CHD4: variants seen among roughly 807,000 people sequenced by gnomAD.
CHD4 encodes ATP-dependent chromatin remodeler CHD4.
CHD4 carries 35 observed loss-of-function variants against 235.5 expected under a neutral mutation model. The ratio of observed to expected loss-of-function variants is 0.15; its 90% CI spans 0.11 to 0.20. CHD4 has a LOEUF of 0.20. Ranked by LOEUF, CHD4 falls within the 10% of genes least tolerant of loss-of-function variation. The pLI is 1.00. For synonymous variants in CHD4, 900 were observed against 850.2 expected, an observed-to-expected ratio of 1.06 and a Z score of -1.02; for missense variants, 1,329 against 2,432.3, an observed-to-expected ratio of 0.55 and a Z score of 9.54.
At chr12:6,576,487 G>C (rs192853647) in intron 37 of CHD4, among the ~76,000 whole-genome samples, 13 of 152,286 alleles carry the variant, frequency 8.5e-5, no homozygotes, top group Admixed American at 2.0e-4. Context: ...GCTAATTTTT[G>C]TATTTTTTGT....
intron 13 of CHD4, among the ~76,000 whole-genome samples, 179 bp downstream of exon 13, chr12:6,595,827 G>A (rs1013398539): frequency 6.6e-5 from 10 of 150,512 alleles, no homozygotes; most frequent in South Asian, 4.2e-4. Flanking sequence ...GTGTGGTGGC[G>A]TATGCAAATA....
chr12:6,578,218 C>T, intron 35 of CHD4, 81 bp from the exon 36 acceptor site: 2 of 1,374,272 alleles, frequency 1.5e-6, no homozygotes, highest in South Asian at 1.2e-5. Context: ...ATTCTTGTCC[C>T]CCACCATCCC....
At chr12:6,606,176 G>A in intron 2 of CHD4, 98 bp downstream of exon 2, 1 of 803,904 alleles carries the variant, frequency 1.2e-6, no homozygotes, top group Non-Finnish European at 2.0e-6. Flanking sequence ...GCTCTGCACA[G>A]AGACAGCGGA....
chr12:6,582,007 T>G (rs1295327296), intron 30 of CHD4, 130 bp downstream of exon 30: 2 of 1,185,132 alleles, frequency 1.7e-6, no homozygotes, highest in East Asian at 2.6e-5. Context: ...TTCGCCATGT[T>G]GACCAGGCTA....
At chr12:6,574,258 C>G (rs1948030442) in intron 37 of CHD4, among the ~76,000 whole-genome samples, 1 of 152,062 alleles carries the variant, frequency 6.6e-6, no homozygotes, top group Admixed American at 6.6e-5. Context: ...TTAAAAGGTA[C>G]TCTTATGTTG....
At position 6,593,240 on chromosome 12, in the gene CHD4, G is replaced by C. The variant is rs1948431584; in HGVS notation, c.2515-12C>G. 3 of 1,613,928 alleles carry C rather than the reference G, an allele frequency of 1.9e-6. No homozygotes were observed. The highest frequency in any genetic ancestry group is 2.7e-5 in the African/African-American group (2 of 75,058). On this transcript the variant is annotated splice_polypyrimidine_tract_variant and intron_variant, in intron 16 of 39. Transcript: ENST00000544040. This position sits in a 1 kb window ranked among gnomAD's most constrained non-coding sequence, Gnocchi z 4.9. ...ACAGATGCCTCTTTCTGCACATGAA[G>C]GCAACTTGGTCACTACTAGTCAGTT...
At chr12:6,591,847 A>G (rs756038091) in intron 20 of CHD4, 22 bp from the exon 21 acceptor site, 19 of 1,613,632 alleles carry the variant, frequency 1.2e-5, no homozygotes, top group Admixed American at 3.3e-5. Context: ...TGCAAAGAAA[A>G]AAGTATTAAA....
intron 30 of CHD4, 24 bp downstream of exon 30, chr12:6,582,113 A>G (rs926075373): frequency 6.5e-7 from 1 of 1,528,232 alleles, no homozygotes; most frequent in African/African-American, 1.4e-5. Context: ...CCCTAGAAAC[A>G]ATGGCAAGAG....
chr12:6,602,056 C>T lies in CHD4; in HGVS notation c.342G>A (p.Lys114=). ...DSEGSDYTPG[K]KKKKKLGPKK... ...TAGGTCCAAGCTTCTTCTTCTTCTT[C>T]TTGCCAGGAGTATAGTCGCTGCCCT... is the stretch of plus-strand genomic sequence containing the variant. Residue 114 remains lysine (K), a synonymous_variant, in exon 4 of 40, where the codon AAG becomes AAA. Coordinates refer to ENST00000544040, the MANE Select transcript of CHD4 (RefSeq NM_001273.5). 6.2e-7 allele frequency: 1 copy of T among 1,613,388 alleles called. No homozygotes were observed. Among genetic ancestry groups the T allele is most frequent in the Non-Finnish European group, 8.5e-7 (1 of 1,179,892 alleles).
chr12:6,578,473 A>T lies in CHD4; in HGVS notation c.5055T>A (p.Asp1685Glu). 1 of 1,613,950 alleles carries T rather than the reference A, an allele frequency of 6.2e-7. No individual in the cohort carries two copies. The highest frequency in any genetic ancestry group is 8.5e-7 in the Non-Finnish European group (1 of 1,180,006). ...GTTTAATATTTTTCTTCTGTTTCTCATCATTCAGGTCCTTGGGGGTCTCTC... is the reference window on the plus strand; with the variant it reads ...GTTTAATATTTTTCTTCTGTTTCTCTTCATTCAGGTCCTTGGGGGTCTCTC... ...QNGETPKDLN[D>E]EKQKKNIKQR... Residue 1685 changes from aspartate to glutamate, a missense_variant, in exon 35 of 40, where the codon GAT (aspartate) becomes GAA (glutamate). Asp to Glu is a conservative substitution (Grantham distance 45). Coordinates refer to ENST00000544040, the MANE Select transcript of CHD4 (RefSeq NM_001273.5).
intron 37 of CHD4, among the ~76,000 whole-genome samples, chr12:6,574,671 C>T (rs1031746488): frequency 2.6e-5 from 4 of 152,084 alleles, no homozygotes; most frequent in Admixed American, 1.3e-4. Flanking sequence ...TGATGGGGGT[C>T]GGTAGTGGGA....
intron 37 of CHD4, among the ~76,000 whole-genome samples, chr12:6,574,991 A>G (rs1377594380): frequency 6.6e-6 from 1 of 152,246 alleles, no homozygotes; most frequent in Non-Finnish European, 1.5e-5. Context: ...CTTCATGAGA[A>G]TTATACAAAA....
chr12:6,577,700 TG>T, intron 37 of CHD4, 84 bp downstream of exon 37: 2 of 1,558,770 alleles, frequency 1.3e-6, no homozygotes, highest in Non-Finnish European at 1.8e-6. Context: ...AACAGTGCGC[TG>T]GATGGACAGA....
In CHD4 at chr12:6,600,525, G is replaced by C. The variant is rs777560102; in HGVS notation, c.1063+9C>G. 4 of 1,610,150 alleles carry C rather than the reference G, an allele frequency of 2.5e-6. No homozygotes were observed. Among genetic ancestry groups the C allele is most frequent in the African/African-American group, 2.7e-5 (2 of 73,558 alleles). On this transcript the variant is annotated intron_variant, in intron 8 of 39. Transcript: ENST00000544040. Reference sequence around the variant, plus strand: ...CATCCCATCACAAATATACAGAAGAGAAACACACCTTTCTTTTTCTTTTTA... The same window carrying C: ...CATCCCATCACAAATATACAGAAGACAAACACACCTTTCTTTTTCTTTTTA...
In CHD4 at chr12:6,570,227, A is replaced by C. The variant is rs1003003276; in HGVS notation, c.*449T>G. Reference sequence around the variant, plus strand: ...AGAGCCGCTGGGTTCCTGGTATTAAAAAGATGCCAACAGAGGTAGCTGTGT... The same window carrying C: ...AGAGCCGCTGGGTTCCTGGTATTAACAAGATGCCAACAGAGGTAGCTGTGT... On this transcript the variant is annotated 3_prime_UTR_variant, in exon 40 of 40. Transcript: ENST00000544040. 6.0e-6 allele frequency: 1 copy of C among 166,044 alleles called. No individual in the cohort carries two copies. Among genetic ancestry groups the C allele is most frequent in the Non-Finnish European group, 1.3e-5 (1 of 77,554 alleles). 10.3% of individuals were successfully genotyped at this position (166,044 alleles called of 1,614,324 possible). A position where few individuals can be genotyped will look rare whatever the true frequency, so the allele number is the denominator to read the frequency against.
chr12:6,602,502 A>T lies in CHD4; in HGVS notation c.101-5T>A, dbSNP rs201854884. ...CTTCTGGGTCCTCTTCATTTTCTAC[A>T]TATATTTGGCAAAGAGTGGTAGGCA... On this transcript the variant is annotated splice_region_variant and splice_polypyrimidine_tract_variant and intron_variant, in intron 2 of 39. Coordinates refer to ENST00000544040, the MANE Select transcript of CHD4 (RefSeq NM_001273.5). 5.2e-4 allele frequency: 845 copies of T among 1,610,994 alleles called. 2 individuals are homozygous for T. Among genetic ancestry groups the T allele is most frequent in the Admixed American group, 1.5e-3 (87 of 59,154 alleles).
At position 6,583,073 on chromosome 12, in the gene CHD4, T is replaced by A; in HGVS notation, c.4101A>T (p.Ser1367=). The change falls in exon 27 of 40, where the codon TCA becomes TCT. Residue 1367 remains serine, a synonymous_variant. Coordinates refer to ENST00000544040, the MANE Select transcript of CHD4 (RefSeq NM_001273.5). The part of the protein sequence containing the change: ...DDQSDNQSDY[S]VASEEGDEDF... Reference sequence around the variant, plus strand: ...CTTCATCACCTTCCTCTGAAGCCACTGAGTAATCGGACTGGTTGTCGGACT... The same window carrying A: ...CTTCATCACCTTCCTCTGAAGCCACAGAGTAATCGGACTGGTTGTCGGACT... 3.2e-6 allele frequency: 5 copies of A among 1,574,822 alleles called. No individual in the cohort carries two copies. The South Asian group carries it at 4.8e-5, about 15-fold the overall frequency.
chr12:6,602,609 T>C, intron 2 of CHD4, 112 bp from the exon 3 acceptor site: 2 of 1,318,118 alleles, frequency 1.5e-6, no homozygotes, highest in South Asian at 2.7e-5. Context: ...CAGATTCCTC[T>C]GAAGAGAACT....
At chr12:6,581,959 C>T (rs1044619148) in intron 30 of CHD4, 145 bp from the exon 31 acceptor site, 43 of 1,159,442 alleles carry the variant, frequency 3.7e-5, no homozygotes, top group Non-Finnish European at 4.6e-5. Context: ...CCCGCCACCA[C>T]GTGCAGCTAA....
Sources: allele counts gnomAD v4.1 joint callset (sites outside exome capture counted in the v4.1 genomes callset), GRCh38; gene constraint gnomAD v4.1.1; non-coding constraint Gnocchi (gnomAD v3.1); transcripts MANE v1.5; gene names NCBI Gene and HGNC (gene_info 2026-07-23, HGNC 2026-07-21).